Variants in OPHN1 observed in about 807,000 individuals in gnomAD.
OPHN1 encodes the protein oligophrenin-1.
In OPHN1, 11 loss-of-function variants were observed where a neutral mutation model predicts 60.7. The observed-to-expected ratio is 0.18, with a 90% CI of 0.11 to 0.30. The LOEUF (loss-of-function observed/expected upper bound fraction) is 0.30, where lower values mean the gene tolerates loss of function less well. OPHN1 is among the 10% of genes least tolerant of loss of function. OPHN1 has a pLI of 1.00. For missense variants in OPHN1, 449 were observed against 611.0 expected (o/e 0.73, Z 2.80); for synonymous variants, 226 against 222.6 (o/e 1.02, Z -0.14).
intron 6 of OPHN1, among the ~76,000 whole-genome samples, chrX:68,217,290 TCTCG>T (rs2077616967): frequency 8.9e-6 from 1 of 111,916 alleles, no homozygotes. Flanking sequence ...GCCCACGCAG[TCTCG>T]CTGATTGCTA....
chrX:68,347,297 C>G (rs1410963365), intron 2 of OPHN1, among the ~76,000 whole-genome samples: 1 of 111,161 alleles, frequency 9.0e-6, no homozygotes, highest in Non-Finnish European at 1.9e-5. Flanking sequence ...ATTAACATTG[C>G]CAGTGATCAA....
chrX:68,133,901 G>A (rs185866387), intron 15 of OPHN1, among the ~76,000 whole-genome samples: 7 of 111,422 alleles, frequency 6.3e-5, no homozygotes, highest in Non-Finnish European at 9.4e-5. Context: ...TTGGCCGGGC[G>A]CTGTGGCTCA....
At position 68,146,163 on chromosome X, in the gene OPHN1, G is replaced by A. The variant is rs142610298; in HGVS notation, c.1277-26831C>T. 4.4e-3 allele frequency among the ~76,000 whole-genome samples: 496 copies of A among 112,207 alleles called. 1 individual carries two copies. Among genetic ancestry groups the A allele is most frequent in the Middle Eastern group, 0.014 (3 of 219 alleles). On this transcript the variant is annotated intron_variant, in intron 15 of 24. Transcript: ENST00000355520. ...TCATACAAATATCTGGATTCCAAAC[G>A]TTTCTTGAAAAATCAGAAGCTCTGG...
At chrX:68,099,574 T>C (rs1454553059) in intron 18 of OPHN1, among the ~76,000 whole-genome samples, 2 of 111,837 alleles carry the variant, frequency 1.8e-5, no homozygotes, top group Non-Finnish European at 3.8e-5. Context: ...GGGAAATTCC[T>C]AGGTCACATC....
intron 19 of OPHN1, among the ~76,000 whole-genome samples, chrX:68,089,710 A>C (rs2077009118): frequency 9.0e-6 from 1 of 111,653 alleles, no homozygotes; most frequent in Admixed American, 9.6e-5. Flanking sequence ...TGAACATTGG[A>C]GCAAACCTCA....
At chrX:68,409,806 A>G (rs1313587594) in intron 2 of OPHN1, among the ~76,000 whole-genome samples, 1 of 112,151 alleles carries the variant, frequency 8.9e-6, no homozygotes, top group African/African-American at 3.2e-5. Flanking sequence ...GGACAAATCA[A>G]ATAACGTCAT....
chrX:68,126,953 T>C (rs1368925601), intron 15 of OPHN1, among the ~76,000 whole-genome samples: 3 of 111,986 alleles, frequency 2.7e-5, no homozygotes, highest in Non-Finnish European at 5.6e-5. Context: ...ATCTGGAATT[T>C]TTATGCAAGA....
At chrX:68,234,091 C>CAA (rs33932284) in intron 6 of OPHN1, among the ~76,000 whole-genome samples, 6,981 of 43,489 alleles carry the variant, frequency 0.16, 592 homozygotes, top group South Asian at 0.21. Context: ...AACCCCTCAC[C>CAA]AAAAAAAAAA....
chrX:68,178,092 G>A (rs998804209), intron 15 of OPHN1, among the ~76,000 whole-genome samples: 2 of 111,570 alleles, frequency 1.8e-5, no homozygotes, highest in African/African-American at 6.5e-5. Context: ...CACTATATTA[G>A]GTAGGTTTTG....
chrX:68,137,406 C>T lies in OPHN1; in HGVS notation c.1277-18074G>A, dbSNP rs747858703. Among the ~76,000 whole-genome samples, 4 of 111,773 alleles carry T rather than the reference C, an allele frequency of 3.6e-5. No individual in the cohort carries two copies. The South Asian group carries it at 1.5e-3, about 42-fold the overall frequency. ...CCTGAAAAAACAATGACTTCTATCTCGAAATCAAGTATTTCTGGCCCAACC... is the reference window on the plus strand; with the variant it reads ...CCTGAAAAAACAATGACTTCTATCTTGAAATCAAGTATTTCTGGCCCAACC... On this transcript the variant is annotated intron_variant, in intron 15 of 24. Coordinates refer to ENST00000355520, the MANE Select transcript of OPHN1 (RefSeq NM_002547.3).
chrX:68,230,458 T>G (rs903211181), intron 6 of OPHN1, among the ~76,000 whole-genome samples: 15 of 110,823 alleles, frequency 1.4e-4, no homozygotes, highest in African/African-American at 4.6e-4. Flanking sequence ...TAAAGACACA[T>G]GCACACATAT....
At chrX:68,059,601 C>T (rs2076885677) in intron 21 of OPHN1, among the ~76,000 whole-genome samples, 1 of 111,939 alleles carries the variant, frequency 8.9e-6, no homozygotes, top group South Asian at 3.7e-4. Flanking sequence ...CCAGCAACAC[C>T]CATTACTGCA....
intron 2 of OPHN1, among the ~76,000 whole-genome samples, chrX:68,374,786 C>A (rs1200656381): frequency 8.9e-6 from 1 of 112,161 alleles, no homozygotes; most frequent in Admixed American, 9.5e-5. Flanking sequence ...AGAAAATTAA[C>A]AACAAATTAC....
At chrX:68,160,150 G>T (rs1602199886) in intron 15 of OPHN1, among the ~76,000 whole-genome samples, 1 of 109,727 alleles carries the variant, frequency 9.1e-6, no homozygotes, top group Non-Finnish European at 1.9e-5. Flanking sequence ...AGAAAAAAAT[G>T]GACTTCAAAC....
chrX:68,217,587 C>T (rs189027117), intron 6 of OPHN1, among the ~76,000 whole-genome samples: 20,727 of 108,087 alleles, frequency 0.19, 1,775 homozygotes, highest in African/African-American at 0.32. Flanking sequence ...GATCTGAGAA[C>T]GGGCAGACTG....
At chrX:68,324,004 T>G (rs1275678565) in intron 2 of OPHN1, among the ~76,000 whole-genome samples, 1 of 111,782 alleles carries the variant, frequency 8.9e-6, no homozygotes, top group African/African-American at 3.2e-5. Context: ...AACATCAAAT[T>G]TAATGGTGAA....
At chrX:68,386,989 G>A (rs1441169740) in intron 2 of OPHN1, among the ~76,000 whole-genome samples, 1 of 109,366 alleles carries the variant, frequency 9.1e-6, no homozygotes, top group Admixed American at 9.8e-5. Flanking sequence ...AAACTGTAGC[G>A]ACTTGAATGT....
intron 2 of OPHN1, among the ~76,000 whole-genome samples, chrX:68,311,829 G>A (rs776594568): frequency 4.6e-4 from 51 of 111,444 alleles, no homozygotes; most frequent in Non-Finnish European, 9.4e-4. Flanking sequence ...AGATCAGTAA[G>A]GAATTTGTGT....
chrX:68,217,110 A>G (rs1038988829), intron 6 of OPHN1, among the ~76,000 whole-genome samples: 1 of 111,976 alleles, frequency 8.9e-6, no homozygotes, highest in African/African-American at 3.2e-5. Flanking sequence ...ACATTGCCTC[A>G]CTTGGGAAGC....
Sources: allele counts gnomAD v4.1 joint callset (sites outside exome capture counted in the v4.1 genomes callset), GRCh38; gene constraint gnomAD v4.1.1; transcripts MANE v1.5; gene names NCBI Gene and HGNC (gene_info 2026-07-23, HGNC 2026-07-21).